CDH4: variants seen among roughly 807,000 people sequenced by gnomAD.
CDH4 encodes the protein cadherin 4, also known as cadherin-4.
CDH4 carries 33 observed loss-of-function variants against 86.0 expected under a neutral mutation model. The observed-to-expected ratio is 0.38, with a 90% CI of 0.29 to 0.51. The LOEUF is 0.51. Among genes scored for constraint, CDH4 ranks in the 20% least tolerant of loss-of-function variants. The pLI is 0.86. For synonymous variants in CDH4, 555 were observed against 549.4 expected (o/e 1.01, Z -0.14); for missense variants, 1,114 against 1,307.4 (o/e 0.85, Z 2.28).
chr20:61,305,212 C>T lies in CDH4; in HGVS notation c.169+50275C>T, dbSNP rs114881644. Among the ~76,000 whole-genome samples, 1,497 of 152,104 alleles carry T rather than the reference C, an allele frequency of 9.8e-3. 32 individuals are homozygous for T. The highest frequency in any genetic ancestry group is 0.035 in the African/African-American group (1,434 of 41,462). ...TGTTTCGGTGGATCTATAAACCTGC[C>T]TTTTTGTTTTGTGATTTTTGTTTTT... On this transcript the variant is annotated intron_variant, in intron 2 of 15. Transcript: ENST00000614565.
At chr20:61,503,390 T>A (rs2085718490) in intron 2 of CDH4, among the ~76,000 whole-genome samples, 1 of 151,914 alleles carries the variant, frequency 6.6e-6, no homozygotes, top group African/African-American at 2.4e-5. Flanking sequence ...GGAAAAGGGG[T>A]CGTAAAAGTA....
At position 61,810,114 on chromosome 20, in the gene CDH4, G is replaced by A. The variant is rs1980356722; in HGVS notation, c.577-34554G>A. On this transcript the variant is annotated intron_variant, in intron 4 of 15. Coordinates refer to ENST00000614565, the MANE Select transcript of CDH4 (RefSeq NM_001794.5). This position sits in a 1 kb window ranked among gnomAD's most constrained non-coding sequence, Gnocchi z 4.3. ...GGCTAGCGTTGGTCAGACCTGGACG[G>A]GCCTCAGCCGGGGTGGGGTGGGGGG... Among the ~76,000 whole-genome samples the A allele has an allele frequency of 6.6e-6, 1 of 152,174 alleles. No individual in the cohort carries two copies. The highest frequency in any genetic ancestry group is 6.5e-5 in the Admixed American group (1 of 15,288).
chr20:61,583,212 GGGGGGACAGACGGTTCTGC>G (rs2086444044), intron 2 of CDH4, among the ~76,000 whole-genome samples: 3 of 108,504 alleles, frequency 2.8e-5, no homozygotes, highest in Non-Finnish European at 1.9e-5. Context: ...AGGGCTCTGC[GGGGGGACAGACGGTTCTGC>G]GGGGGGACAG....
In CDH4 at chr20:61,252,799, C is replaced by T. The variant is rs1474896742; in HGVS notation, c.57+229C>T. Among the ~76,000 whole-genome samples the T allele has an allele frequency of 2.6e-5, 4 of 151,672 alleles. No homozygotes were observed. The highest frequency in any genetic ancestry group is 2.0e-4 in the East Asian group (1 of 5,086). ...GGCGGAGCAGGGTGGGAGTGGGGCTCGGTGGAGGACCCGGGGAGCTCCGCC... is the reference window on the plus strand; with the variant it reads ...GGCGGAGCAGGGTGGGAGTGGGGCTTGGTGGAGGACCCGGGGAGCTCCGCC... On this transcript the variant is annotated intron_variant, in intron 1 of 15. Transcript: ENST00000614565. The surrounding 1 kb of genome is among the most constrained non-coding windows in gnomAD (Gnocchi z 4.4).
intron 2 of CDH4, among the ~76,000 whole-genome samples, chr20:61,485,654 G>C (rs768929133): frequency 6.6e-6 from 1 of 152,180 alleles, no homozygotes; most frequent in African/African-American, 2.4e-5. Context: ...GGTTCTCCAT[G>C]GCGATGATGG....
chr20:61,659,374 AAATG>A (rs1475691831), intron 2 of CDH4, among the ~76,000 whole-genome samples: 7 of 152,000 alleles, frequency 4.6e-5, no homozygotes, highest in African/African-American at 1.5e-4. Context: ...AAAAAGAAGA[AAATG>A]AAAAGAAACA....
chr20:61,878,945 G>A (rs1306494641), intron 7 of CDH4, among the ~76,000 whole-genome samples: 1 of 152,236 alleles, frequency 6.6e-6, no homozygotes, highest in Non-Finnish European at 1.5e-5. Context: ...GAGCTGCCCT[G>A]CTCTTCCTTC....
intron 2 of CDH4, among the ~76,000 whole-genome samples, chr20:61,604,215 C>G (rs2086624996): frequency 6.6e-6 from 1 of 152,214 alleles, no homozygotes; most frequent in African/African-American, 2.4e-5. Flanking sequence ...AGGAAGAATC[C>G]TGAGTCAGTG....
intron 2 of CDH4, among the ~76,000 whole-genome samples, chr20:61,490,954 G>A (rs1825170008): frequency 6.6e-6 from 1 of 152,138 alleles, no homozygotes; most frequent in Non-Finnish European, 1.5e-5. Context: ...GATTTATGTG[G>A]TCACACTCAG....
intron 8 of CDH4, among the ~76,000 whole-genome samples, chr20:61,901,253 A>AGGGCCT (rs1481602198): frequency 1.3e-5 from 2 of 152,040 alleles, no homozygotes; most frequent in Admixed American, 6.5e-5. Flanking sequence ...GGGCAGGGGC[A>AGGGCCT]GGGCCTGCAA....
intron 2 of CDH4, among the ~76,000 whole-genome samples, chr20:61,594,371 G>A (rs1413284351): frequency 6.6e-6 from 1 of 152,118 alleles, no homozygotes; most frequent in Non-Finnish European, 1.5e-5. Flanking sequence ...TAGATGCGGA[G>A]GGAGGACAGT....
intron 2 of CDH4, chr20:61,738,341 A>G (rs2088290821): frequency 6.6e-6 from 1 of 152,224 alleles, no homozygotes; most frequent in African/African-American, 2.4e-5. Context: ...GGCACCAGGC[A>G]GTCCCGTGTC....
intron 2 of CDH4, among the ~76,000 whole-genome samples, chr20:61,720,064 G>A (rs185276674): frequency 6.6e-6 from 1 of 152,286 alleles, no homozygotes; most frequent in Admixed American, 6.5e-5. Flanking sequence ...GGAGGCGGTA[G>A]TGGAGGGCAG....
chr20:61,667,044 C>T lies in CDH4; in HGVS notation c.170-76519C>T, dbSNP rs537826464. ...GCACCACAGTCTGTATGGACCGTGC[C>T]CTTTGGGCATGACGCCACCATCTCA... On this transcript the variant is annotated intron_variant, in intron 2 of 15. Transcript: ENST00000614565. 5.3e-5 allele frequency among the ~76,000 whole-genome samples: 8 copies of T among 152,356 alleles called. No individual in the cohort carries two copies. In the East Asian group the frequency reaches 1.2e-3, roughly 22 times the overall value.
At chr20:61,932,859 C>A in intron 13 of CDH4, 126 bp from the exon 14 acceptor site, 1 of 1,299,998 alleles carries the variant, frequency 7.7e-7, no homozygotes, top group Non-Finnish European at 1.1e-6. Context: ...TGTGCATGCA[C>A]ACATGGGCAC....
At chr20:61,783,077 C>T (rs1978632482) in intron 4 of CDH4, among the ~76,000 whole-genome samples, 1 of 151,990 alleles carries the variant, frequency 6.6e-6, no homozygotes, top group African/African-American at 2.4e-5. Flanking sequence ...AGAGTGAGAC[C>T]TTGTTTCAAA....
In CDH4 at chr20:61,417,319, A is replaced by C. The variant is rs1600958065; in HGVS notation, c.169+162382A>C. ...TCTCCATCTCCCTCTCCCTCCCTCTACCTCTCTTCTCTCTCCCCTCACCCC... is the reference window on the plus strand; with the variant it reads ...TCTCCATCTCCCTCTCCCTCCCTCTCCCTCTCTTCTCTCTCCCCTCACCCC... On this transcript the variant is annotated intron_variant, in intron 2 of 15. Transcript: ENST00000614565. This position sits in a 1 kb window ranked among gnomAD's most constrained non-coding sequence, Gnocchi z 4.0. Among the ~76,000 whole-genome samples, 22 of 132,744 alleles carry C rather than the reference A, an allele frequency of 1.7e-4. No individual in the cohort carries two copies. The highest frequency in any genetic ancestry group is 2.3e-4 in the Admixed American group (3 of 13,174). 87.1% of individuals were successfully genotyped at this position (132,744 alleles called of 152,430 possible). A position where few individuals can be genotyped will look rare whatever the true frequency, so the allele number is the denominator to read the frequency against.
intron 2 of CDH4, among the ~76,000 whole-genome samples, chr20:61,554,573 G>A (rs2078530776): frequency 6.6e-6 from 1 of 152,258 alleles, no homozygotes; most frequent in Non-Finnish European, 1.5e-5. Context: ...ACTGGGATTT[G>A]TTGCAGAAAC....
intron 4 of CDH4, among the ~76,000 whole-genome samples, chr20:61,780,288 A>T (rs1014637151): frequency 1.4e-4 from 22 of 151,756 alleles, no homozygotes; most frequent in African/African-American, 5.3e-4. Context: ...TTCCCGGTGC[A>T]CCCAACACTC....
Sources: gnomAD v4.1 joint callset for allele counts (sites outside exome capture counted in the v4.1 genomes callset) on GRCh38, gnomAD v4.1.1 for gene constraint, Gnocchi (gnomAD v3.1) non-coding constraint, MANE v1.5 for transcripts, NCBI Gene and HGNC (gene_info 2026-07-23, HGNC 2026-07-21) for gene names.